Variants in RBFOX1 observed in about 807,000 individuals in gnomAD.
RBFOX1 encodes RNA binding protein fox-1 homolog 1.
RBFOX1 carries 8 observed loss-of-function variants against 57.7 expected under a neutral mutation model. The ratio of observed to expected loss-of-function variants is 0.14; its 90% CI spans 0.08 to 0.25. The LOEUF is 0.25. Among genes scored for constraint, RBFOX1 ranks in the 10% least tolerant of loss-of-function variants. RBFOX1 has a pLI of 1.00. For missense variants in RBFOX1, 611 were observed against 548.5 expected (o/e 1.11, Z -1.14); for synonymous variants, 326 against 222.4 (o/e 1.47, Z -4.15).
At chr16:6,594,898 C>T (rs146306951) in intron 2 of RBFOX1, among the ~76,000 whole-genome samples, 6,894 of 152,234 alleles carry the variant, frequency 0.045, 287 homozygotes, top group African/African-American at 0.11. Flanking sequence ...AAGCGATTCT[C>T]CTGGCTCAGC....
chr16:5,769,511 G>C (rs189897661), intron 3 of RBFOX1, among the ~76,000 whole-genome samples: 1 of 151,918 alleles, frequency 6.6e-6, no homozygotes, highest in Non-Finnish European at 1.5e-5. Flanking sequence ...AAATTAGCTA[G>C]GTATGGTGGC....
chr16:7,218,011 T>C (rs2092377048), intron 4 of RBFOX1, among the ~76,000 whole-genome samples: 1 of 151,260 alleles, frequency 6.6e-6, no homozygotes, highest in Non-Finnish European at 1.5e-5. Flanking sequence ...CATGTGTGTT[T>C]GTACGTGTGT....
At chr16:5,497,622 C>CAAAAAAAAAAAAAAAAAAAA (rs911723996) in intron 2 of RBFOX1, among the ~76,000 whole-genome samples, 5 of 53,406 alleles carry the variant, frequency 9.4e-5, no homozygotes, top group African/African-American at 2.2e-4. Context: ...ACTAAAAATA[C>CAAAAAAAAAAAAAAAAAAAA]AAAAAAAAAA....
At chr16:6,778,748 ATGATTGTGAATTTTC>A (rs1424985551) in intron 3 of RBFOX1, among the ~76,000 whole-genome samples, 1 of 152,088 alleles carries the variant, frequency 6.6e-6, no homozygotes, top group Non-Finnish European at 1.5e-5. Context: ...TGTGAAAAAT[ATGATTGTGAATTTTC>A]TTGTTTATCG....
intron 2 of RBFOX1, among the ~76,000 whole-genome samples, chr16:6,526,390 G>A (rs2096577980): frequency 6.6e-6 from 1 of 152,100 alleles, no homozygotes; most frequent in Admixed American, 6.5e-5. Flanking sequence ...AGTCTGAGTC[G>A]AATCATCAAT....
intron 3 of RBFOX1, among the ~76,000 whole-genome samples, chr16:5,672,660 T>G (rs529007514): frequency 6.6e-6 from 1 of 152,354 alleles, no homozygotes; most frequent in South Asian, 2.1e-4. Flanking sequence ...CATCCATCTC[T>G]GATTTTTTTT....
intron 2 of RBFOX1, among the ~76,000 whole-genome samples, chr16:6,541,155 G>C (rs1220803248): frequency 1.3e-5 from 2 of 152,192 alleles, no homozygotes; most frequent in African/African-American, 2.4e-5. Flanking sequence ...GTTGGTAGTA[G>C]GACACAGATG....
At chr16:7,198,709 A>T (rs891146729) in intron 4 of RBFOX1, among the ~76,000 whole-genome samples, 8 of 152,174 alleles carry the variant, frequency 5.3e-5, no homozygotes, top group African/African-American at 1.7e-4. Context: ...CATGATAACT[A>T]ACTCACTGCA....
intron 5 of RBFOX1, among the ~76,000 whole-genome samples, chr16:7,541,025 C>T (rs1252184607): frequency 6.6e-6 from 1 of 152,186 alleles, no homozygotes; most frequent in East Asian, 1.9e-4. Flanking sequence ...AGATACCTCC[C>T]TGCCCAAGAC....
chr16:7,516,568 C>T (rs1290925066), intron 4 of RBFOX1, among the ~76,000 whole-genome samples: 1 of 152,142 alleles, frequency 6.6e-6, no homozygotes, highest in Non-Finnish European at 1.5e-5. Context: ...AGCAACTCAG[C>T]CTCAACATAG....
intron 4 of RBFOX1, among the ~76,000 whole-genome samples, chr16:7,367,009 G>C (rs1000564105): frequency 6.6e-6 from 1 of 151,978 alleles, no homozygotes; most frequent in East Asian, 1.9e-4. Flanking sequence ...GGTGTGAAAT[G>C]AATTGCAGAT....
chr16:7,704,728 G>A (rs561333253), intron 14 of RBFOX1, among the ~76,000 whole-genome samples: 1 of 152,188 alleles, frequency 6.6e-6, no homozygotes, highest in African/African-American at 2.4e-5. Flanking sequence ...TGAAGGGGTA[G>A]GGATGAAGTT....
intron 1 of RBFOX1, among the ~76,000 whole-genome samples, chr16:5,277,030 A>G (rs796687984): frequency 3.3e-5 from 5 of 152,352 alleles, no homozygotes; most frequent in African/African-American, 1.2e-4. Context: ...TTGCAAAACT[A>G]TAGAACCAGC....
At chr16:5,707,475 A>G (rs1415776792) in intron 3 of RBFOX1, among the ~76,000 whole-genome samples, 1 of 152,214 alleles carries the variant, frequency 6.6e-6, no homozygotes, top group Admixed American at 6.5e-5. Context: ...AGTAACCACT[A>G]AAGATGCCAG....
At chr16:7,256,738 T>C (rs8052549) in intron 4 of RBFOX1, among the ~76,000 whole-genome samples, 93,123 of 151,642 alleles carry the variant, frequency 0.61, 30,032 homozygotes, top group African/African-American at 0.81. Context: ...TGTTCACTGG[T>C]GCCAAATGTC....
Position 5,417,768 on chromosome 16 carries a change from T to C in RBFOX1, c.220-49448T>C, listed in dbSNP as rs1010869882. ...GAGGTGACTGTGTCTTCACAGACTA[T>C]TGGGTGTCCCCCTACTAAGATTTGT... On this transcript the variant is annotated intron_variant, in intron 1 of 2. Coordinates refer to the RBFOX1 transcript ENST00000585867. Among the ~76,000 whole-genome samples the C allele has an allele frequency of 9.2e-5, 14 of 152,158 alleles. 2 individuals are homozygous for C. Among genetic ancestry groups the C allele is most frequent in the Admixed American group, 9.2e-4 (14 of 15,268 alleles).
At chr16:5,886,721 C>G (rs772164138) in intron 4 of RBFOX1, among the ~76,000 whole-genome samples, 1 of 152,162 alleles carries the variant, frequency 6.6e-6, no homozygotes, top group African/African-American at 2.4e-5. Flanking sequence ...AACCCTGTCT[C>G]TACTTAAAAT....
At chr16:6,654,486 G>A in intron 2 of RBFOX1, 117 bp from the exon 3 acceptor site, 1 of 778,930 alleles carries the variant, frequency 1.3e-6, no homozygotes, top group East Asian at 2.9e-5. Flanking sequence ...GAACTATTAG[G>A]AGCATGAGCT....
intron 1 of RBFOX1, among the ~76,000 whole-genome samples, chr16:6,091,969 A>G (rs368883195): frequency 2.1e-4 from 32 of 152,256 alleles, no homozygotes; most frequent in South Asian, 4.2e-4. Context: ...CCATGCATCT[A>G]TGTGTCTGTC....
Sources: allele counts gnomAD v4.1 joint callset (sites outside exome capture counted in the v4.1 genomes callset), GRCh38; gene constraint gnomAD v4.1.1; transcripts MANE v1.5; gene names NCBI Gene and HGNC (gene_info 2026-07-23, HGNC 2026-07-21).